The following CDKN1A variants were observed in gnomAD, a reference collection of about 807,000 sequenced individuals.
CDKN1A encodes cyclin dependent kinase inhibitor 1A.
Under a neutral mutation model 14.8 loss-of-function variants are expected in CDKN1A, and 14 were observed. The observed-to-expected ratio is 0.94, with a 90% confidence interval of 0.62 to 1.48. The LOEUF (loss-of-function observed/expected upper bound fraction) is 1.48, where lower values mean the gene tolerates loss of function less well. Among genes scored for constraint, CDKN1A ranks in the 40% most tolerant of loss-of-function variants. The probability of loss-of-function intolerance (pLI) is 0.00; values close to 1 mark genes in which losing one functional copy is unlikely to be tolerated. For missense variants in CDKN1A, 203 were observed against 231.7 expected, an observed-to-expected ratio of 0.88 and a Z score of 0.80; for synonymous variants, 92 against 93.5, an observed-to-expected ratio of 0.98 and a Z score of 0.09.
rs138287541 is a variant in CDKN1A, at chr6:36,684,683, C to G, written c.445+137C>G. ...AGGCCCAGAGAGGGGAAGCAACCTC[C>G]CTGAGGTCACACAGCAAGTAGGCAG... is the stretch of plus-strand genomic sequence containing the variant. On this transcript the variant is annotated intron_variant, in intron 2 of 2. Coordinates refer to ENST00000244741, the MANE Select transcript of CDKN1A (RefSeq NM_000389.5). This position sits in a 1 kb window ranked among gnomAD's most constrained non-coding sequence, Gnocchi z 6.0. The G allele has an allele frequency of 6.1e-4, 484 of 795,654 alleles. 3 individuals are homozygous for G. In the African/African-American group the frequency reaches 7.1e-3, roughly 12 times the overall value. The allele number at this position is 795,654 out of a possible 1,614,324, so 49.3% of individuals were successfully genotyped here.
At chr6:36,683,397 A>G (rs1409719132) in intron 1 of CDKN1A, among the ~76,000 whole-genome samples, 4 of 152,202 alleles carry the variant, frequency 2.6e-5, no homozygotes, top group Non-Finnish European at 5.9e-5. Flanking sequence ...GCCTTGCTGC[A>G]TGGACTCTGT....
intron 1 of CDKN1A, among the ~76,000 whole-genome samples, chr6:36,681,334 T>TTCTTTCTTTCTTTCCTTCTTTCTTTC (rs780161958): frequency 3.5e-5 from 3 of 86,126 alleles, no homozygotes; most frequent in Admixed American, 1.1e-4. Flanking sequence ...CTTTCTTTCT[T>TTCTTTCTTTCTTTCCTTCTTTCTTTC]TTTCTTTCTT....
intron 1 of CDKN1A, among the ~76,000 whole-genome samples, chr6:36,682,224 C>T (rs1762042271): frequency 6.6e-6 from 1 of 152,168 alleles, no homozygotes; most frequent in East Asian, 1.9e-4. Flanking sequence ...CCTTGGTTGC[C>T]TCTTCTGTAA....
rs1166735522 is a variant in CDKN1A at position 36,681,346 on chromosome 6, CTTTCT to C, written c.-6+2552_-6+2556del. 4.7e-4 allele frequency among the ~76,000 whole-genome samples: 52 copies of C among 110,232 alleles called. 1 individual carries two copies. The highest frequency in any genetic ancestry group is 1.5e-3 in the African/African-American group (45 of 29,158). The allele number at this position is 110,232 out of a possible 152,430, so 72.3% of individuals were successfully genotyped here. A position where few individuals can be genotyped will look rare whatever the true frequency, so the allele number is the denominator to read the frequency against. ...TTTCTTTCTTTCTTTTTCTTTCTTT[CTTTCT>C]TTTTCTTTCTTTTCTTTCTTTCTTT... On this transcript the variant is annotated intron_variant, in intron 1 of 2. Transcript: ENST00000244741.
intron 2 of CDKN1A, among the ~76,000 whole-genome samples, chr6:36,685,217 C>A (rs1762159374): frequency 6.6e-6 from 1 of 152,190 alleles, no homozygotes; most frequent in African/African-American, 2.4e-5. Flanking sequence ...AGTGAATTTG[C>A]CGTTGGGTCA....
In CDKN1A at chr6:36,686,144, G is replaced by A. The variant is rs1374607192; in HGVS notation, c.*344G>A. Reference sequence around the variant, plus strand: ...GCTACTTCCTCCTCCCCACTTGTCCGCTGGGTGGTACCCTCTGGAGGGGTG... The same window carrying A: ...GCTACTTCCTCCTCCCCACTTGTCCACTGGGTGGTACCCTCTGGAGGGGTG... On this transcript the variant is annotated 3_prime_UTR_variant, in exon 3 of 3. Coordinates refer to ENST00000244741, the MANE Select transcript of CDKN1A (RefSeq NM_000389.5). This position sits in a 1 kb window ranked among gnomAD's most constrained non-coding sequence, Gnocchi z 4.9. The A allele has an allele frequency of 4.3e-6, 2 of 460,966 alleles. No individual in the cohort carries two copies. The highest frequency in any genetic ancestry group is 2.2e-5 in the South Asian group (1 of 44,540). The allele number at this position is 460,966 out of a possible 1,614,324, so 28.6% of individuals were successfully genotyped here.
At chr6:36,678,590 A>G (rs1267028779), upstream of CDKN1A, 3 of 888,430 alleles carry the variant, frequency 3.4e-6, no homozygotes, top group Admixed American at 1.2e-4. This position sits in a 1 kb window ranked among gnomAD's most constrained non-coding sequence, Gnocchi z 5.7. Flanking sequence ...CTGGGCAGCC[A>G]GGAGCCTGGG....
intron 1 of CDKN1A, among the ~76,000 whole-genome samples, chr6:36,681,909 A>G (rs1582575721): frequency 6.6e-6 from 1 of 151,876 alleles, no homozygotes; most frequent in East Asian, 1.9e-4. Context: ...GCTAATTTTT[A>G]TTTATTTTTA....
chr6:36,684,511 C>T lies in CDKN1A; in HGVS notation c.410C>T (p.Ser137Phe), dbSNP rs2150314397. Residue 137 changes from serine to phenylalanine, a missense_variant, in exon 2 of 3, where the codon TCT (serine) becomes TTT (phenylalanine). Coordinates refer to ENST00000244741, the MANE Select transcript of CDKN1A (RefSeq NM_000389.5). This position sits in a 1 kb window ranked among gnomAD's most constrained non-coding sequence, Gnocchi z 6.0. Reference protein sequence around the residue: ...AEGSPGGPGDSQGRKRRQTSM... With the variant: ...AEGSPGGPGDFQGRKRRQTSM... ...GGGTCCCCAGGTGGACCTGGAGACT[C>T]TCAGGGTCGAAAACGGCGGCAGACC... is the stretch of plus-strand genomic sequence containing the variant. 1.9e-6 allele frequency: 3 copies of T among 1,614,204 alleles called. No homozygotes were observed. The Middle Eastern group carries it at 4.9e-4, about 266-fold the overall frequency.
upstream of CDKN1A, chr6:36,678,636 C>G (rs930320990): frequency 2.0e-6 from 2 of 983,434 alleles, no homozygotes; most frequent in South Asian, 4.7e-5. The surrounding 1 kb of genome is among the most constrained non-coding windows in gnomAD (Gnocchi z 5.7). Flanking sequence ...CGCGGTGGGC[C>G]GAGCGCGGGT....
chr6:36,685,302 G>A (rs1316674493), intron 2 of CDKN1A, among the ~76,000 whole-genome samples: 1 of 152,196 alleles, frequency 6.6e-6, no homozygotes, highest in Non-Finnish European at 1.5e-5. Context: ...CATGGATTTT[G>A]TAACAGAATC....
rs1176473274 is a variant in CDKN1A, at chr6:36,681,326, TTC to T, written c.-6+2530_-6+2531del. 6.0e-3 allele frequency among the ~76,000 whole-genome samples: 739 copies of T among 123,730 alleles called. 11 individuals carry two copies. Among genetic ancestry groups the T allele is most frequent in the African/African-American group, 0.016 (518 of 33,054 alleles). The allele number at this position is 123,730 out of a possible 152,430, so 81.2% of individuals were successfully genotyped here. A position where few individuals can be genotyped will look rare whatever the true frequency, so the allele number is the denominator to read the frequency against. ...TTTCTTTCTTTCTTTCTTTCTTTCT[TTC>T]TTTCTTTTTCTTTCTTTCTTTCTTT... On this transcript the variant is annotated intron_variant, in intron 1 of 2. Transcript: ENST00000244741.
At chr6:36,683,598 A>T (rs1319799220) in intron 1 of CDKN1A, among the ~76,000 whole-genome samples, 2 of 152,204 alleles carry the variant, frequency 1.3e-5, no homozygotes, top group Non-Finnish European at 2.9e-5. Flanking sequence ...TTGGCAGAGC[A>T]GGGTTACCCT....
Position 36,686,130 on chromosome 6 carries a change from C to T in CDKN1A, c.*330C>T. 2 of 471,910 alleles carry T rather than the reference C, an allele frequency of 4.2e-6. No homozygotes were observed. The highest frequency in any genetic ancestry group is 1.9e-5 in the African/African-American group (1 of 51,808). 29.2% of individuals were successfully genotyped at this position (471,910 alleles called of 1,614,324 possible). ...CCGGCTTCATGCCAGCTACTTCCTCCTCCCCACTTGTCCGCTGGGTGGTAC... is the reference window on the plus strand; with the variant it reads ...CCGGCTTCATGCCAGCTACTTCCTCTTCCCCACTTGTCCGCTGGGTGGTAC... On this transcript the variant is annotated 3_prime_UTR_variant, in exon 3 of 3. Transcript: ENST00000244741. This position sits in a 1 kb window ranked among gnomAD's most constrained non-coding sequence, Gnocchi z 4.9.
Position 36,684,439 on chromosome 6 carries a change from T to C in CDKN1A, c.338T>C (p.Leu113Pro), listed in dbSNP as rs372882329. The change falls in exon 2 of 3, where the codon CTG (leucine) becomes CCG (proline). Residue 113 changes from leucine to proline, a missense_variant. Transcript: ENST00000244741. The surrounding 1 kb of genome is among the most constrained non-coding windows in gnomAD (Gnocchi z 6.0). ...ACAGCAGAGGAAGACCATGTGGACC[T>C]GTCACTGTCTTGTACCCTTGTGCCT... ...QGTAEEDHVDLSLSCTLVPRS... is the reference protein window; with the variant it reads ...QGTAEEDHVDPSLSCTLVPRS... 1.9e-6 allele frequency: 3 copies of C among 1,613,880 alleles called. No individual in the cohort carries two copies. Among genetic ancestry groups the C allele is most frequent in the South Asian group, 1.1e-5 (1 of 91,054 alleles).
At chr6:36,681,334 T>TTCTCTTTC (rs780161958) in intron 1 of CDKN1A, among the ~76,000 whole-genome samples, 9 of 86,052 alleles carry the variant, frequency 1.0e-4, no homozygotes, top group African/African-American at 2.6e-4. Flanking sequence ...CTTTCTTTCT[T>TTCTCTTTC]TTTCTTTCTT....
At position 36,681,411 on chromosome 6, in the gene CDKN1A, T is replaced by TTCTTTCTTTCTTTCTCTTTC. The variant is rs1554185412; in HGVS notation, c.-6+2616_-6+2617insTTCTTTCTTTCTCTTTCTCT. Among the ~76,000 whole-genome samples, 108 of 88,868 alleles carry TTCTTTCTTTCTTTCTCTTTC rather than the reference T, an allele frequency of 1.2e-3. 5 individuals carry two copies. The highest frequency in any genetic ancestry group is 3.4e-3 in the East Asian group (12 of 3,530). The allele number at this position is 88,868 out of a possible 152,430, so 58.3% of individuals were successfully genotyped here. ...TTTCTTTCTTTCTTTCTTTCTTCCT[T>TTCTTTCTTTCTTTCTCTTTC]TCTCTTTCTCTCTTTCTTTCTCTTT... On this transcript the variant is annotated intron_variant, in intron 1 of 2. Coordinates refer to ENST00000244741, the MANE Select transcript of CDKN1A (RefSeq NM_000389.5).
At chr6:36,682,245 AATAG>A (rs1762043021) in intron 1 of CDKN1A, among the ~76,000 whole-genome samples, 2 of 152,342 alleles carry the variant, frequency 1.3e-5, no homozygotes, top group East Asian at 3.9e-4. Flanking sequence ...AAAGGGAGCT[AATAG>A]ATATCCACTT....
At position 36,685,736 on chromosome 6, in the gene CDKN1A, G is replaced by A. The variant is rs762424928; in HGVS notation, c.446-15G>A. On this transcript the variant is annotated splice_polypyrimidine_tract_variant and intron_variant, in intron 2 of 2. Coordinates refer to ENST00000244741, the MANE Select transcript of CDKN1A (RefSeq NM_000389.5). ...CTTCTTCTTGGCCTGGCTGACTTCTGCTGTCTCTCCTCAGATTTCTACCAC... is the reference window on the plus strand; with the variant it reads ...CTTCTTCTTGGCCTGGCTGACTTCTACTGTCTCTCCTCAGATTTCTACCAC... The A allele has an allele frequency of 1.9e-6, 3 of 1,613,960 alleles. No individual in the cohort carries two copies. The highest frequency in any genetic ancestry group is 4.5e-5 in the East Asian group (2 of 44,884).
Sources: allele counts gnomAD v4.1 joint callset (sites outside exome capture counted in the v4.1 genomes callset), GRCh38; gene constraint gnomAD v4.1.1; non-coding constraint Gnocchi (gnomAD v3.1); transcripts MANE v1.5; gene names NCBI Gene and HGNC (gene_info 2026-07-23, HGNC 2026-07-21).